REPS2: variants seen among roughly 807,000 people sequenced by gnomAD.
The protein encoded by REPS2 is ralBP1-associated Eps domain-containing protein 2.
A neutral mutation model predicts 53.6 loss-of-function variants in REPS2; 23 were observed. The ratio of observed to expected loss-of-function variants is 0.43; its 90% confidence interval spans 0.31 to 0.61. The LOEUF is 0.61. REPS2 is among the 20% of genes least tolerant of loss of function. REPS2 has a pLI of 0.11. For synonymous variants in REPS2, 238 were observed against 218.6 expected (o/e 1.09, Z -0.78); for missense variants, 446 against 534.9 (o/e 0.83, Z 1.64).
rs1489075497 is a variant in REPS2 at position 16,946,920 on chromosome X, G to A, written c.59G>A (p.Gly20Asp). ...AAAAAAAAGGGCGSGPPPLLL... is the reference protein window; with the variant it reads ...AAAAAAAAGGDCGSGPPPLLL... ...GCGGCAGCGGCAGCGGCGGGCGGGG[G>A]CTGTGGCTCCGGGCCGCCGCCGCTG... The change falls in exon 1 of 18, where the codon GGC becomes GAC. Residue 20 changes from glycine to aspartate, a missense_variant. Physicochemically the swap from Gly to Asp is moderately conservative, Grantham distance 94 (BLOSUM62 -1). Coordinates refer to ENST00000357277, the MANE Select transcript of REPS2 (RefSeq NM_004726.3). 9.8e-6 allele frequency: 8 copies of A among 812,305 alleles called. No homozygotes were observed. Among genetic ancestry groups the A allele is most frequent in the Admixed American group, 7.6e-5 (1 of 13,082 alleles). 66.9% of individuals were successfully genotyped at this position (812,305 alleles called of 1,213,427 possible).
chrX:17,036,022 G>A (rs2061761184), intron 5 of REPS2, among the ~76,000 whole-genome samples: 1 of 111,843 alleles, frequency 8.9e-6, no homozygotes, highest in Non-Finnish European at 1.9e-5. Context: ...TCTGCGTCTT[G>A]TGTAAATCAT....
chrX:16,946,982 C>A lies in REPS2; in HGVS notation c.121C>A (p.Leu41Ile). Residue 41 changes from leucine to isoleucine, a missense_variant, in exon 1 of 18, where the codon CTC (leucine) becomes ATC (isoleucine). Transcript: ENST00000357277. ...GGGCGAGCAGCAGTGCTACTCCGAG[C>A]TCTTCGCGCGCTGTGCCGGCGCCGC... is the stretch of plus-strand genomic sequence containing the variant. Reference protein sequence around the residue: ...SEGEQQCYSELFARCAGAAGG... With the variant: ...SEGEQQCYSEIFARCAGAAGG... The A allele has an allele frequency of 1.1e-6, 1 of 925,732 alleles. No homozygotes were observed. Among genetic ancestry groups the A allele is most frequent in the Non-Finnish European group, 1.3e-6 (1 of 749,633 alleles). 76.3% of individuals were successfully genotyped at this position (925,732 alleles called of 1,213,427 possible).
intron 14 of REPS2, among the ~76,000 whole-genome samples, chrX:17,104,336 A>G (rs1360194057): frequency 8.9e-6 from 1 of 112,128 alleles, no homozygotes; most frequent in Non-Finnish European, 1.9e-5. Flanking sequence ...ATTCTGCCTT[A>G]TTTACATGTG....
chrX:16,966,807 G>C (rs1489823625), intron 1 of REPS2, among the ~76,000 whole-genome samples: 1 of 112,538 alleles, frequency 8.9e-6, no homozygotes, highest in Non-Finnish European at 1.9e-5. Context: ...TATCAGAAGA[G>C]AGTGTTGAGT....
At chrX:17,175,135 C>G in the REPS2 span, among the ~76,000 whole-genome samples, 1 of 112,808 alleles carries the variant, frequency 8.9e-6, no homozygotes, top group Non-Finnish European at 1.9e-5. Context: ...TTCTCCTACG[C>G]TTGAGAAATT....
At position 17,061,733 on chromosome X, in the gene REPS2, GC is replaced by G. The variant is rs753764534; in HGVS notation, c.1115-704del. Among the ~76,000 whole-genome samples, 3 of 112,355 alleles carry G rather than the reference GC, an allele frequency of 2.7e-5. No homozygotes were observed. In the South Asian group the frequency reaches 1.1e-3, roughly 41 times the overall value. ...GTGACAAAGTAGTGAAGCAGAATCCGCTTCTAAGACATAGCCTGGTGTGAAG... is the reference window on the plus strand; with the variant it reads ...GTGACAAAGTAGTGAAGCAGAATCCGTTCTAAGACATAGCCTGGTGTGAAG... On this transcript the variant is annotated intron_variant, in intron 8 of 17. Coordinates refer to ENST00000357277, the MANE Select transcript of REPS2 (RefSeq NM_004726.3).
chrX:16,969,618 C>T (rs187430735), intron 1 of REPS2, among the ~76,000 whole-genome samples: 2 of 91,749 alleles, frequency 2.2e-5, no homozygotes, highest in Non-Finnish European at 4.6e-5. Flanking sequence ...TGCAGGCACT[C>T]GGCAGGCTGA....
chrX:17,032,568 G>A (rs897163548), intron 5 of REPS2, among the ~76,000 whole-genome samples: 1 of 111,766 alleles, frequency 8.9e-6, no homozygotes, highest in Non-Finnish European at 1.9e-5. Flanking sequence ...TGGTGATAAG[G>A]GATTAATGTT....
intron 1 of REPS2, among the ~76,000 whole-genome samples, chrX:16,968,448 G>A (rs1337083830): frequency 4.0e-4 from 42 of 104,972 alleles, no homozygotes; most frequent in East Asian, 6.6e-4. Flanking sequence ...CCTCCCGGAC[G>A]GGGCGGCTGG....
At chrX:17,112,931 C>CA (rs911922233) in intron 14 of REPS2, among the ~76,000 whole-genome samples, 5 of 104,223 alleles carry the variant, frequency 4.8e-5, no homozygotes, top group African/African-American at 1.1e-4. Flanking sequence ...ACTAAAAATA[C>CA]AAAAAAAATG....
intron 14 of REPS2, among the ~76,000 whole-genome samples, chrX:17,124,517 G>A (rs2063181906): frequency 9.0e-6 from 1 of 111,653 alleles, no homozygotes. Context: ...GAACAGTGGT[G>A]TGCTGGGCCA....
chrX:17,013,794 T>C (rs748738888), intron 2 of REPS2, among the ~76,000 whole-genome samples: 1 of 111,311 alleles, frequency 9.0e-6, no homozygotes, highest in Non-Finnish European at 1.9e-5. Context: ...TCAGTGTTCC[T>C]TTGTCAATTT....
At chrX:17,055,636 A>C (rs976170095) in intron 8 of REPS2, among the ~76,000 whole-genome samples, 6 of 107,452 alleles carry the variant, frequency 5.6e-5, no homozygotes, top group African/African-American at 2.0e-4. Flanking sequence ...TGTTTTTCTC[A>C]GGTTTGTCAA....
chrX:16,975,191 C>A (rs1233105848), intron 1 of REPS2, among the ~76,000 whole-genome samples: 2 of 111,991 alleles, frequency 1.8e-5, no homozygotes, highest in African/African-American at 6.5e-5. Flanking sequence ...TTGCATGTGT[C>A]TTTATGGTAG....
the REPS2 span, among the ~76,000 whole-genome samples, chrX:17,176,642 C>T: frequency 1.8e-5 from 2 of 112,574 alleles, no homozygotes; most frequent in Non-Finnish European, 3.8e-5. Flanking sequence ...CATTTCAGTG[C>T]TCCTCTAATT....
chrX:17,007,198 C>A (rs988654348), intron 2 of REPS2, among the ~76,000 whole-genome samples: 6 of 111,866 alleles, frequency 5.4e-5, no homozygotes, highest in African/African-American at 1.6e-4. Context: ...TTATGGTGAG[C>A]CCATGGAAAC....
At chrX:17,163,212 A>G in the REPS2 span, among the ~76,000 whole-genome samples, 2 of 112,210 alleles carry the variant, frequency 1.8e-5, no homozygotes, top group Non-Finnish European at 3.8e-5. Flanking sequence ...AGGGTTGAAA[A>G]GTACCAGAGG....
At chrX:17,102,521 C>G (rs1251435071) in intron 13 of REPS2, among the ~76,000 whole-genome samples, 4 of 112,261 alleles carry the variant, frequency 3.6e-5, no homozygotes, top group Non-Finnish European at 7.5e-5. Flanking sequence ...GACAGCTGTT[C>G]AAGGTCTCAC....
chrX:17,073,244 T>G (rs1308972695), intron 11 of REPS2, among the ~76,000 whole-genome samples: 1 of 112,508 alleles, frequency 8.9e-6, no homozygotes, highest in Non-Finnish European at 1.9e-5. Flanking sequence ...AGAAATTACA[T>G]TCTTCTTGTT....
Sources: gnomAD v4.1 joint callset for allele counts (sites outside exome capture counted in the v4.1 genomes callset) on GRCh38, gnomAD v4.1.1 for gene constraint, MANE v1.5 for transcripts, NCBI Gene and HGNC (gene_info 2026-07-23, HGNC 2026-07-21) for gene names.